The following ZNF276 variants were observed in gnomAD, a reference collection of about 807,000 sequenced individuals.
The protein encoded by ZNF276 is zinc finger protein 276, also known as centromere protein Z.
ZNF276 carries 59 observed loss-of-function variants against 63.9 expected under a neutral mutation model. The ratio of observed to expected loss-of-function variants is 0.92; its 90% CI spans 0.75 to 1.15. ZNF276 has a LOEUF of 1.15. Among genes scored for constraint, ZNF276 ranks in the 50% most tolerant of loss-of-function variants. The probability of loss-of-function intolerance (pLI) is 0.00; values close to 1 mark genes in which losing one functional copy is unlikely to be tolerated. For synonymous variants in ZNF276, 496 were observed against 348.4 expected, an observed-to-expected ratio of 1.42 and a Z score of -4.72; for missense variants, 1,084 against 843.8, an observed-to-expected ratio of 1.28 and a Z score of -3.53.
At chr16:89,737,250 G>A (rs1170828315) in intron 9 of ZNF276, among the ~76,000 whole-genome samples, 3 of 152,116 alleles carry the variant, frequency 2.0e-5, no homozygotes, top group East Asian at 1.9e-4. Context: ...GGCCAGGCAC[G>A]GTGGCTCACA....
At position 89,740,774 on chromosome 16, in the gene ZNF276, G is replaced by A; in HGVS notation, c.*2528G>A. On this transcript the variant is annotated 3_prime_UTR_variant, in exon 11 of 11. Transcript: ENST00000443381. ...CCCCTGCCTGGCCCACAGTGGGAGAGGACACCTTGGCTGGTAAGGTCTGAC... is the reference window on the plus strand; with the variant it reads ...CCCCTGCCTGGCCCACAGTGGGAGAAGACACCTTGGCTGGTAAGGTCTGAC... 6.2e-7 allele frequency: 1 copy of A among 1,605,760 alleles called. No individual in the cohort carries two copies. Among genetic ancestry groups the A allele is most frequent in the Non-Finnish European group, 8.5e-7 (1 of 1,173,510 alleles).
intron 6 of ZNF276, chr16:89,731,492 A>G (rs2061649502): frequency 6.6e-6 from 1 of 152,212 alleles, no homozygotes; most frequent in Non-Finnish European, 1.5e-5. Flanking sequence ...TGACCTCATG[A>G]TCCGCCCGCC....
intron 4 of ZNF276, among the ~76,000 whole-genome samples, chr16:89,726,577 C>T (rs764327722): frequency 8.6e-5 from 13 of 151,190 alleles, no homozygotes; most frequent in Admixed American, 4.6e-4. Context: ...GTGATCCACC[C>T]GCGTCAGCCT....
chr16:89,738,160 C>T lies in ZNF276; in HGVS notation c.1759C>T (p.Leu587=). 1 of 1,613,396 alleles carries T rather than the reference C, an allele frequency of 6.2e-7. No individual in the cohort carries two copies. Residue 587 remains leucine, a synonymous_variant, in exon 11 of 11, where the codon CTG becomes TTG. Coordinates refer to ENST00000443381, the MANE Select transcript of ZNF276 (RefSeq NM_001113525.2). The stretch of plus-strand genomic sequence containing the variant: ...GCTGACACAGACCCAGGACAAGGCC[C>T]TGCCCCTGGAGGCGGAACCACCACC... ...HPLTQTQDKA[L]PLEAEPPPGP... is the part of the protein sequence containing the mutation.
chr16:89,725,520 A>G (rs2061442181), intron 4 of ZNF276, among the ~76,000 whole-genome samples: 1 of 144,672 alleles, frequency 6.9e-6, no homozygotes, highest in Non-Finnish European at 1.5e-5. Flanking sequence ...GGCCAAGTGC[A>G]GTGGTTCACG....
At chr16:89,737,014 G>A (rs1458117245) in intron 9 of ZNF276, among the ~76,000 whole-genome samples, 2 of 152,120 alleles carry the variant, frequency 1.3e-5, no homozygotes, top group Admixed American at 6.6e-5. Context: ...AGGCAGCACA[G>A]GGTGAGTGGG....
chr16:89,740,135 G>C lies in ZNF276; in HGVS notation c.*1889G>C. ...CAGGAGACCAACCCTGAGAATGGCC[G>C]ACCTGGTGCTCCCATGGGTAGGAGG... On this transcript the variant is annotated 3_prime_UTR_variant, in exon 11 of 11. Coordinates refer to ENST00000443381, the MANE Select transcript of ZNF276 (RefSeq NM_001113525.2). The C allele has an allele frequency of 6.5e-7, 1 of 1,544,866 alleles. No homozygotes were observed. Among genetic ancestry groups the C allele is most frequent in the Non-Finnish European group, 8.9e-7 (1 of 1,117,800 alleles).
In ZNF276 at chr16:89,721,580, G is replaced by A; in HGVS notation, c.-61G>A. The stretch of plus-strand genomic sequence containing the variant: ...CGCGCCGAGCGGAGCCTAACGCCGG[G>A]TCCTCTAGGAACCTCGGGCCGGGCA... On this transcript the variant is annotated 5_prime_UTR_variant, in exon 1 of 11. Transcript: ENST00000443381. 1 of 1,438,222 alleles carries A rather than the reference G, an allele frequency of 7.0e-7. No homozygotes were observed. Among genetic ancestry groups the A allele is most frequent in the Non-Finnish European group, 9.2e-7 (1 of 1,092,282 alleles). The allele number at this position is 1,438,222 out of a possible 1,614,324, so 89.1% of individuals were successfully genotyped here. A position where few individuals can be genotyped will look rare whatever the true frequency, so the allele number is the denominator to read the frequency against.
chr16:89,725,141 C>T (rs567598009), intron 4 of ZNF276, among the ~76,000 whole-genome samples: 9 of 144,020 alleles, frequency 6.2e-5, no homozygotes, highest in African/African-American at 2.4e-4. Flanking sequence ...TCTCGAACTC[C>T]TGACCTCGTG....
chr16:89,739,464 G>T lies in ZNF276; in HGVS notation c.*1218G>T, dbSNP rs1339996571. 2.6e-6 allele frequency: 4 copies of T among 1,551,668 alleles called. No individual in the cohort carries two copies. The highest frequency in any genetic ancestry group is 1.4e-5 in the African/African-American group (1 of 73,228). ...ACACTGCCCAGCCCTGACCAGCCCT[G>T]TGGGTGGAGGTACCTGTAAAAAGCG... On this transcript the variant is annotated 3_prime_UTR_variant, in exon 11 of 11. Transcript: ENST00000443381.
intron 9 of ZNF276, among the ~76,000 whole-genome samples, chr16:89,736,282 C>T (rs2061881788): frequency 6.6e-6 from 1 of 151,876 alleles, no homozygotes. Context: ...CTGCCTTGGC[C>T]TCCCAAAGTG....
Position 89,739,955 on chromosome 16 carries a change from C to CG in ZNF276, c.*1711dup. 1 of 1,611,002 alleles carries CG rather than the reference C, an allele frequency of 6.2e-7. No homozygotes were observed. Among genetic ancestry groups the CG allele is most frequent in the Non-Finnish European group, 8.5e-7 (1 of 1,177,590 alleles). The stretch of plus-strand genomic sequence containing the variant: ...ATTTGCAAGATGCCTCTGAAAAGAG[C>CG]GGCCCTCCGCATTTGTGCCTCAGCA... On this transcript the variant is annotated 3_prime_UTR_variant, in exon 11 of 11. Transcript: ENST00000443381.
intron 6 of ZNF276, among the ~76,000 whole-genome samples, chr16:89,730,732 A>G (rs997238630): frequency 2.6e-5 from 4 of 152,088 alleles, no homozygotes; most frequent in African/African-American, 9.7e-5. Flanking sequence ...TACCAGGGGC[A>G]CTTGGTTCCC....
At chr16:89,724,891 T>C (rs1458599583) in intron 4 of ZNF276, among the ~76,000 whole-genome samples, 2 of 152,250 alleles carry the variant, frequency 1.3e-5, no homozygotes, top group Non-Finnish European at 2.9e-5. Flanking sequence ...TGTATATCTA[T>C]GTATCTACTT....
At chr16:89,727,248 G>T (rs2061497002) in intron 4 of ZNF276, 31 bp from the exon 5 acceptor site, 1 of 1,604,864 alleles carries the variant, frequency 6.2e-7, no homozygotes, top group African/African-American at 1.3e-5. Context: ...GCTCCGTGTT[G>T]GTAACAGGAG....
At chr16:89,735,142 T>C (rs985953160) in intron 9 of ZNF276, among the ~76,000 whole-genome samples, 2 of 151,938 alleles carry the variant, frequency 1.3e-5, no homozygotes, top group African/African-American at 4.8e-5. Flanking sequence ...AAAAAAAAAC[T>C]TGTTTGAACC....
chr16:89,733,942 G>A lies in ZNF276; in HGVS notation c.1378G>A (p.Glu460Lys), dbSNP rs144281519. ...TCAGAAGCACATCAAGGAGCACCAC[G>A]AGGAGGTCCGGGAGCGGCCCTGCCC... ...GMKKHIKEHHEEVRERPCPHP... is the reference protein window; with the variant it reads ...GMKKHIKEHHKEVRERPCPHP... Residue 460 changes from glutamate (E) to lysine (K), a missense_variant, in exon 9 of 11, where the codon GAG (glutamate) becomes AAG (lysine). Glu to Lys is a moderately conservative substitution (Grantham distance 56). Coordinates refer to ENST00000443381, the MANE Select transcript of ZNF276 (RefSeq NM_001113525.2). The A allele has an allele frequency of 6.3e-5, 102 of 1,613,774 alleles. No individual in the cohort carries two copies. The highest frequency in any genetic ancestry group is 8.6e-5 in the Non-Finnish European group (101 of 1,179,990).
chr16:89,722,923 G>A, intron 2 of ZNF276, 89 bp downstream of exon 2: 3 of 1,557,260 alleles, frequency 1.9e-6, no homozygotes, highest in Non-Finnish European at 2.6e-6. Flanking sequence ...GCCTCCGCGG[G>A]AGCCTCTGGG....
intron 2 of ZNF276, 65 bp downstream of exon 2, chr16:89,722,899 G>C: frequency 1.3e-6 from 2 of 1,566,828 alleles, no homozygotes; most frequent in East Asian, 2.2e-5. Context: ...GGTGTTGAGA[G>C]AGGGACAGGG....
Sources: allele counts gnomAD v4.1 joint callset (sites outside exome capture counted in the v4.1 genomes callset), GRCh38; gene constraint gnomAD v4.1.1; transcripts MANE v1.5; gene names NCBI Gene and HGNC (gene_info 2026-07-23, HGNC 2026-07-21).